Variants in ZNF709 observed in about 807,000 individuals in gnomAD.
The protein encoded by ZNF709 is zinc finger protein 709.
ZNF709 carries 15 observed loss-of-function variants against 10.6 expected under a neutral mutation model. The ratio of observed to expected loss-of-function variants is 1.41; its 90% CI spans 0.95 to 2.18. ZNF709 has a LOEUF of 2.18. Among genes scored for constraint, ZNF709 ranks in the 30% most tolerant of loss-of-function variants. The pLI is 0.00. For missense variants in ZNF709, 589 were observed against 774.0 expected, an observed-to-expected ratio of 0.76 and a Z score of 2.84; for synonymous variants, 194 against 238.8, an observed-to-expected ratio of 0.81 and a Z score of 1.73.
intron 1 of ZNF709, chr19:12,481,254 G>A (rs1970724503): frequency 1.1e-6 from 1 of 874,890 alleles, no homozygotes; most frequent in Admixed American, 6.2e-5. Flanking sequence ...GTTTTGAGAT[G>A]GAGTCCTGCT....
In ZNF709 at chr19:12,464,498, G is replaced by A. The variant is rs780599968; in HGVS notation, c.1424C>T (p.Pro475Leu). ...TTTACCACACTGTTTACATTCATAGGGTTTCTCTCCAGTGTGAATTCTTTC... is the reference window on the plus strand; with the variant it reads ...TTTACCACACTGTTTACATTCATAGAGTTTCTCTCCAGTGTGAATTCTTTC... ...MHERIHTGEKPYECKQCGKAF... is the reference protein window; with the variant it reads ...MHERIHTGEKLYECKQCGKAF... The change falls in exon 4 of 4, where the codon CCC becomes CTC. Residue 475 changes from proline (P) to leucine (L), a missense_variant. Transcript: ENST00000397732. The A allele has an allele frequency of 6.2e-7, 1 of 1,613,048 alleles. No homozygotes were observed. The highest frequency in any genetic ancestry group is 1.7e-5 in the Admixed American group (1 of 59,866).
rs7259240 is a variant in ZNF709 at position 12,465,235 on chromosome 19, G to T, written c.687C>A (p.Cys229Ter). ...AACTGGGATGACTGAACGTTTTCCC[G>T]CATTCTTTACATTTATAGGGTTTCT... ...TGEKPYKCKECGKTFSHPSSF... is the reference protein window; with the variant it reads ...TGEKPYKCKE Residue 229 changes from cysteine (C) to a stop codon, truncating the protein, a stop_gained, in exon 4 of 4, where the codon TGC becomes TGA. Coordinates refer to ENST00000397732, the MANE Select transcript of ZNF709 (RefSeq NM_152601.4). LOFTEE classifies it low-confidence loss of function (END_TRUNC). The T allele has an allele frequency of 6.2e-7, 1 of 1,612,996 alleles. No homozygotes were observed.
intron 1 of ZNF709, among the ~76,000 whole-genome samples, chr19:12,481,498 C>T (rs1196892802): frequency 6.6e-6 from 1 of 152,122 alleles, no homozygotes; most frequent in Non-Finnish European, 1.5e-5. Flanking sequence ...CCTCAGCCTC[C>T]CAAAGCGCTG....
At chr19:12,473,163 A>T (rs1283218913) in intron 1 of ZNF709, among the ~76,000 whole-genome samples, 2 of 152,236 alleles carry the variant, frequency 1.3e-5, no homozygotes, top group Non-Finnish European at 2.9e-5. Flanking sequence ...ATTTGTACTT[A>T]GACACAGATA....
In ZNF709 at chr19:12,477,107, G is replaced by A. The variant is rs907042595; in HGVS notation, c.3+7548C>T. ...GATGGTGTCAGTAATTTCCATGTTGGATATTGGTATAGGGGCTTAATGGGT... is the reference window on the plus strand; with the variant it reads ...GATGGTGTCAGTAATTTCCATGTTGAATATTGGTATAGGGGCTTAATGGGT... On this transcript the variant is annotated intron_variant, in intron 1 of 3. Coordinates refer to ENST00000397732, the MANE Select transcript of ZNF709 (RefSeq NM_152601.4). 5.5e-4 allele frequency among the ~76,000 whole-genome samples: 84 copies of A among 152,266 alleles called. 1 individual carries two copies. The highest frequency in any genetic ancestry group is 7.4e-5 in the Non-Finnish European group (5 of 68,018).
chr19:12,481,286 A>C (rs1477764029), intron 1 of ZNF709: 34 of 617,980 alleles, frequency 5.5e-5, no homozygotes, highest in Non-Finnish European at 6.7e-5. Flanking sequence ...GCTGGATTGC[A>C]GTGCACAATC....
At position 12,464,856 on chromosome 19, in the gene ZNF709, T is replaced by C. The variant is rs768195372; in HGVS notation, c.1066A>G (p.Ile356Val). ...ISLPSYRRHM[I>V]MHTGNGPYKC... The stretch of plus-strand genomic sequence containing the variant: ...TAAGGTCCATTTCCAGTGTGCATTA[T>C]CATATGTCTTCGATAGCTTGGAAGA... Residue 356 changes from isoleucine (I) to valine (V), a missense_variant, in exon 4 of 4, where the codon ATA (isoleucine) becomes GTA (valine). By Grantham distance (29) the Ile-to-Val change is conservative (BLOSUM62 3). Around this residue, in one of 2 missense-constraint regions of ZNF709, gnomAD observed 418 missense variants for 496.3 expected, o/e 0.84. Coordinates refer to ENST00000397732, the MANE Select transcript of ZNF709 (RefSeq NM_152601.4). 1.9e-6 allele frequency: 3 copies of C among 1,613,976 alleles called. No homozygotes were observed. Among genetic ancestry groups the C allele is most frequent in the African/African-American group, 1.3e-5 (1 of 74,944 alleles).
chr19:12,467,946 C>G (rs1006207918), intron 1 of ZNF709, among the ~76,000 whole-genome samples: 4 of 151,902 alleles, frequency 2.6e-5, no homozygotes, highest in African/African-American at 9.7e-5. Flanking sequence ...GGTCAGCCCC[C>G]GCACGGCCAG....
Position 12,464,625 on chromosome 19 carries a change from T to C in ZNF709, c.1297A>G (p.Ser433Gly). ...KQCGKAFSCS[S>G]SVRIHERTHT... Reference sequence around the variant, plus strand: ...GTCCTTTCATGTATTCGAACAGAACTGGAACAACTGAAGGCTTTACCACAT... The same window carrying C: ...GTCCTTTCATGTATTCGAACAGAACCGGAACAACTGAAGGCTTTACCACAT... The change falls in exon 4 of 4, where the codon AGT (serine) becomes GGT (glycine). Residue 433 changes from serine (S) to glycine (G), a missense_variant. Transcript: ENST00000397732. The C allele has an allele frequency of 6.2e-7, 1 of 1,612,238 alleles. No homozygotes were observed. Among genetic ancestry groups the C allele is most frequent in the Non-Finnish European group, 8.5e-7 (1 of 1,179,066 alleles).
At chr19:12,477,938 G>A (rs1365786467) in intron 1 of ZNF709, among the ~76,000 whole-genome samples, 4 of 152,166 alleles carry the variant, frequency 2.6e-5, no homozygotes, top group Admixed American at 6.6e-5. Flanking sequence ...TTAGGGGCCT[G>A]TCCCTCATGG....
At chr19:12,476,746 T>C (rs1970680948) in intron 1 of ZNF709, among the ~76,000 whole-genome samples, 1 of 152,220 alleles carries the variant, frequency 6.6e-6, no homozygotes, top group African/African-American at 2.4e-5. Flanking sequence ...TATTTCATAG[T>C]AGTGTCAGGG....
chr19:12,470,138 C>T (rs916700080), intron 1 of ZNF709, among the ~76,000 whole-genome samples: 4 of 152,130 alleles, frequency 2.6e-5, no homozygotes, highest in African/African-American at 4.8e-5. Flanking sequence ...TTTAGGCTCC[C>T]GTGAGGTACG....
chr19:12,478,994 G>GAAAC (rs1970699107), intron 1 of ZNF709, among the ~76,000 whole-genome samples: 2 of 152,176 alleles, frequency 1.3e-5, no homozygotes, highest in African/African-American at 2.4e-5. Flanking sequence ...AAGAAACACT[G>GAAAC]ACAGTATGCT....
chr19:12,484,398 G>A (rs1970759600), intron 1 of ZNF709, among the ~76,000 whole-genome samples: 1 of 152,162 alleles, frequency 6.6e-6, no homozygotes, highest in African/African-American at 2.4e-5. Flanking sequence ...CTGCGGGCTC[G>A]GAGCTGCCCA....
chr19:12,482,559 G>T (rs1429901496), intron 1 of ZNF709, among the ~76,000 whole-genome samples: 1 of 152,076 alleles, frequency 6.6e-6, no homozygotes, highest in Non-Finnish European at 1.5e-5. Context: ...AGATCTCCTG[G>T]CCTTTACAGA....
At position 12,465,294 on chromosome 19, in the gene ZNF709, T is replaced by C; in HGVS notation, c.628A>G (p.Thr210Ala). Residue 210 changes from threonine (T) to alanine (A), a missense_variant, in exon 4 of 4, where the codon ACC becomes GCC. By Grantham distance (58) the Thr-to-Ala change is moderately conservative. Around this residue, in one of 2 missense-constraint regions of ZNF709, gnomAD observed 418 missense variants for 496.3 expected, o/e 0.84. Transcript: ENST00000397732. ...TGCATTCTCATGTGTCCTCGAAAGG[T>C]TGTGTGATAAATGAAGGCCTTCCCA... ...ECGKAFIYHT[T>A]FRGHMRMHTG... 6.2e-7 allele frequency: 1 copy of C among 1,612,484 alleles called. No homozygotes were observed. The highest frequency in any genetic ancestry group is 8.5e-7 in the Non-Finnish European group (1 of 1,179,410).
At position 12,461,822 on chromosome 19, in the gene ZNF709, AC is replaced by A. The variant is rs1278174498; in HGVS notation, c.*2173del. 1 of 152,232 alleles carries A rather than the reference AC, an allele frequency of 6.6e-6. No homozygotes were observed. Among genetic ancestry groups the A allele is most frequent in the Non-Finnish European group, 1.5e-5 (1 of 68,070 alleles). The allele number at this position is 152,232 out of a possible 1,614,324, so 9.4% of individuals were successfully genotyped here. On this transcript the variant is annotated 3_prime_UTR_variant, in exon 4 of 4. Transcript: ENST00000397732. ...AGTGGCTCACGCCTGTAATCTCAGC[AC>A]TTTGGAAGGCCAAGGTGGGCAGATC...
intron 1 of ZNF709, chr19:12,481,299 G>A (rs1050780245): frequency 5.5e-5 from 24 of 434,892 alleles, no homozygotes; most frequent in African/African-American, 6.5e-5. Context: ...GCACAATCTC[G>A]GTTCACTGCA....
intron 1 of ZNF709, among the ~76,000 whole-genome samples, chr19:12,468,910 A>G (rs1030291651): frequency 2.0e-5 from 3 of 151,526 alleles, no homozygotes; most frequent in South Asian, 2.1e-4. Context: ...GCGCGATCTC[A>G]GCTCACTGCA....
Sources: allele counts gnomAD v4.1 joint callset (sites outside exome capture counted in the v4.1 genomes callset), GRCh38; gene constraint gnomAD v4.1.1; regional missense constraint gnomAD v4.1.1; transcripts MANE v1.5; gene names NCBI Gene and HGNC (gene_info 2026-07-23, HGNC 2026-07-21).